Variants in ARHGAP28 observed in about 807,000 individuals in gnomAD.
ARHGAP28 encodes Rho GTPase activating protein 28.
A neutral mutation model predicts 90.7 loss-of-function variants in ARHGAP28; 56 were observed. That is an observed-to-expected ratio of 0.62 (90% CI 0.50 to 0.77). The LOEUF is 0.77. Among genes scored for constraint, ARHGAP28 ranks in the 30% least tolerant of loss-of-function variants. The probability of loss-of-function intolerance (pLI) is 0.00; values close to 1 mark genes in which losing one functional copy is unlikely to be tolerated. For missense variants in ARHGAP28, 869 were observed against 900.9 expected (o/e 0.96, Z 0.45); for synonymous variants, 308 against 323.3 (o/e 0.95, Z 0.51).
At chr18:6,860,264 A>G (rs995821019) in intron 5 of ARHGAP28, among the ~76,000 whole-genome samples, 12 of 152,202 alleles carry the variant, frequency 7.9e-5, no homozygotes, top group African/African-American at 2.9e-4. Context: ...CCTTTTACCC[A>G]CAGGATAAAT....
intron 1 of ARHGAP28, among the ~76,000 whole-genome samples, chr18:6,766,036 GAT>G (rs1437123121): frequency 7.2e-5 from 11 of 152,142 alleles, no homozygotes; most frequent in African/African-American, 2.7e-4. Context: ...CTTGTCATAT[GAT>G]TTGTCTTGGG....
At chr18:6,757,082 T>C (rs1476259593) in intron 1 of ARHGAP28, among the ~76,000 whole-genome samples, 2 of 152,160 alleles carry the variant, frequency 1.3e-5, no homozygotes, top group Non-Finnish European at 2.9e-5. Flanking sequence ...ATATTAACCA[T>C]CACACTTGGG....
intron 10 of ARHGAP28, among the ~76,000 whole-genome samples, chr18:6,880,584 C>T (rs1353138508): frequency 3.3e-5 from 5 of 152,236 alleles, no homozygotes; most frequent in Non-Finnish European, 7.3e-5. Context: ...GCGCTCGCTG[C>T]TCTCCAGCCT....
In ARHGAP28 at chr18:6,840,620, G is replaced by T. The variant is rs186015569; in HGVS notation, c.543+3206G>T. On this transcript the variant is annotated intron_variant, in intron 3 of 17. Coordinates refer to ENST00000383472, the MANE Select transcript of ARHGAP28 (RefSeq NM_001366230.1). The stretch of plus-strand genomic sequence containing the variant: ...GAGGGCCTAACAGGGTGCATTTGTG[G>T]TGAGGAGTGAGGAATGGCCCAGGGT... Among the ~76,000 whole-genome samples the T allele has an allele frequency of 3.3e-5, 5 of 152,262 alleles. No individual in the cohort carries two copies. The East Asian group carries it at 9.7e-4, about 29-fold the overall frequency.
chr18:6,793,766 C>A (rs896604567), intron 1 of ARHGAP28, among the ~76,000 whole-genome samples: 8 of 151,456 alleles, frequency 5.3e-5, no homozygotes, highest in African/African-American at 1.5e-4. Flanking sequence ...TCAGAGGGAC[C>A]CGTGAAGGCT....
chr18:6,909,280 CTT>C (rs1164586549), intron 17 of ARHGAP28, among the ~76,000 whole-genome samples: 1 of 55,014 alleles, frequency 1.8e-5, no homozygotes, highest in African/African-American at 5.1e-5. Flanking sequence ...CTTTGCTTTT[CTT>C]TTCTTTTCTT....
chr18:6,837,115 C>A, intron 2 of ARHGAP28, 82 bp from the exon 3 acceptor site: 1 of 987,152 alleles, frequency 1.0e-6, no homozygotes, highest in South Asian at 1.6e-5. Flanking sequence ...TATTATTTAC[C>A]AATACTTCTT....
intron 2 of ARHGAP28, among the ~76,000 whole-genome samples, chr18:6,827,550 C>A (rs1426383852): frequency 7.0e-6 from 1 of 142,994 alleles, no homozygotes; most frequent in African/African-American, 2.6e-5. Context: ...GGCTGACCCC[C>A]CCACCTCCCT....
At chr18:6,756,202 T>C (rs1480405252) in intron 1 of ARHGAP28, among the ~76,000 whole-genome samples, 1 of 152,220 alleles carries the variant, frequency 6.6e-6, no homozygotes, top group African/African-American at 2.4e-5. Flanking sequence ...AATATAGATC[T>C]ATGGAAGAGC....
At chr18:6,854,849 C>T (rs911848791) in intron 4 of ARHGAP28, among the ~76,000 whole-genome samples, 2 of 152,206 alleles carry the variant, frequency 1.3e-5, no homozygotes, top group Non-Finnish European at 2.9e-5. Flanking sequence ...GAAGTGCCTG[C>T]TCATGCTCCC....
At chr18:6,802,106 TTAA>T (rs1188938009) in intron 1 of ARHGAP28, among the ~76,000 whole-genome samples, 3 of 152,298 alleles carry the variant, frequency 2.0e-5, no homozygotes, top group Non-Finnish European at 4.4e-5. Flanking sequence ...TTTTAATGGC[TTAA>T]TAATATTCCA....
At position 6,870,955 on chromosome 18, in the gene ARHGAP28, CTT is replaced by C. The variant is rs1373027018; in HGVS notation, c.954+224_954+225del. On this transcript the variant is annotated intron_variant, in intron 7 of 17. Coordinates refer to ENST00000383472, the MANE Select transcript of ARHGAP28 (RefSeq NM_001366230.1). ...AGCTGGGACTACAGGCACCTGCCAACTTGCCCGGCTAATTTTTTGTATTTTTG... is the reference window on the plus strand; with the variant it reads ...AGCTGGGACTACAGGCACCTGCCAACGCCCGGCTAATTTTTTGTATTTTTG... Among the ~76,000 whole-genome samples, 112 of 152,312 alleles carry C rather than the reference CTT, an allele frequency of 7.4e-4. No individual in the cohort carries two copies. The East Asian group carries it at 9.1e-3, about 12-fold the overall frequency.
intron 14 of ARHGAP28, among the ~76,000 whole-genome samples, chr18:6,893,582 G>A (rs1418454871): frequency 6.6e-6 from 1 of 152,120 alleles, no homozygotes; most frequent in African/African-American, 2.4e-5. Context: ...CTACCCATAT[G>A]AGCCTGGACA....
At chr18:6,886,548 T>C (rs686428) in intron 11 of ARHGAP28, among the ~76,000 whole-genome samples, 124,689 of 152,164 alleles carry the variant, frequency 0.82, 51,299 homozygotes, top group Non-Finnish European at 0.86. Flanking sequence ...ATCATAAAAG[T>C]AAGAGCAAAT....
intron 2 of ARHGAP28, among the ~76,000 whole-genome samples, chr18:6,835,686 A>G (rs2056747824): frequency 6.6e-6 from 1 of 152,178 alleles, no homozygotes; most frequent in Admixed American, 6.6e-5. Flanking sequence ...CTGTTACAGG[A>G]CACTGTTATT....
At chr18:6,731,006 C>T (rs747206308) in intron 1 of ARHGAP28, among the ~76,000 whole-genome samples, 31 of 152,180 alleles carry the variant, frequency 2.0e-4, no homozygotes, top group Non-Finnish European at 2.8e-4. Flanking sequence ...TGGCTAGTAT[C>T]CATGAGAAGA....
At chr18:6,876,349 G>C (rs962379535) in intron 10 of ARHGAP28, 141 bp downstream of exon 10, 29 of 567,798 alleles carry the variant, frequency 5.1e-5, no homozygotes, top group Admixed American at 1.0e-4. Context: ...GGTACCTGTG[G>C]TAAAATGTTT....
intron 2 of ARHGAP28, among the ~76,000 whole-genome samples, chr18:6,833,441 T>A (rs2056730552): frequency 6.6e-6 from 1 of 152,030 alleles, no homozygotes; most frequent in Non-Finnish European, 1.5e-5. Context: ...CTTCTCTCTC[T>A]CTCTTTCTCT....
chr18:6,791,840 T>G (rs1303142435), intron 1 of ARHGAP28, among the ~76,000 whole-genome samples: 5 of 151,744 alleles, frequency 3.3e-5, no homozygotes, highest in Non-Finnish European at 7.4e-5. Flanking sequence ...AATTTGTGGG[T>G]TTTTTTTGTT....
Sources: allele counts gnomAD v4.1 joint callset (sites outside exome capture counted in the v4.1 genomes callset), GRCh38; gene constraint gnomAD v4.1.1; transcripts MANE v1.5; gene names NCBI Gene and HGNC (gene_info 2026-07-23, HGNC 2026-07-21).